The following SUPT3H variants were observed in gnomAD, a reference collection of about 807,000 sequenced individuals.
The protein encoded by SUPT3H is SPT3 homolog, SAGA and STAGA complex component, also known as transcription initiation protein SPT3 homolog.
In SUPT3H, 44 loss-of-function variants were observed where a neutral mutation model predicts 44.3. The observed-to-expected ratio is 0.99, with a 90% CI of 0.78 to 1.28. The LOEUF is 1.28. Ranked by LOEUF, SUPT3H falls within the 50% of genes most tolerant of loss-of-function variation. The pLI, the probability that SUPT3H is intolerant of heterozygous loss-of-function variation, is 0.00. For synonymous variants in SUPT3H, 124 were observed against 125.6 expected (o/e 0.99, Z 0.09); for missense variants, 380 against 387.1 (o/e 0.98, Z 0.15).
intron 10 of SUPT3H, among the ~76,000 whole-genome samples, chr6:44,864,463 G>T (rs1220494267): frequency 2.0e-5 from 3 of 152,166 alleles, no homozygotes; most frequent in Non-Finnish European, 2.9e-5. Context: ...CCTAGGAGAG[G>T]TTCTCCATGA....
At chr6:45,328,791 G>C (rs761430049) in intron 2 of SUPT3H, 1 of 1,611,710 alleles carries the variant, frequency 6.2e-7, no homozygotes, top group Admixed American at 1.7e-5. Flanking sequence ...TGGGGTAAGT[G>C]TTACCATTTT....
intron 2 of SUPT3H, among the ~76,000 whole-genome samples, chr6:45,283,714 C>A (rs1433232107): frequency 1.3e-5 from 2 of 151,870 alleles, no homozygotes; most frequent in Non-Finnish European, 2.9e-5. Flanking sequence ...AGGAATTGAA[C>A]TCAGCTTTTC....
intron 2 of SUPT3H, among the ~76,000 whole-genome samples, chr6:45,269,356 C>T (rs1209201336): frequency 1.3e-5 from 2 of 152,142 alleles, no homozygotes; most frequent in Non-Finnish European, 2.9e-5. Context: ...GAAGGAAAGC[C>T]TTATTTAGAA....
chr6:45,136,808 C>T (rs537967830), intron 2 of SUPT3H, among the ~76,000 whole-genome samples: 2 of 152,048 alleles, frequency 1.3e-5, no homozygotes, highest in East Asian at 1.9e-4. Flanking sequence ...GTTCTGGACA[C>T]ACAAGTGTAC....
chr6:45,061,813 G>C (rs1459386160), intron 3 of SUPT3H, among the ~76,000 whole-genome samples: 2 of 149,882 alleles, frequency 1.3e-5, no homozygotes, highest in Non-Finnish European at 3.0e-5. Flanking sequence ...CTTTGAAAAT[G>C]ATACCATTGT....
intron 10 of SUPT3H, among the ~76,000 whole-genome samples, chr6:44,909,601 G>C (rs534335282): frequency 1.3e-5 from 2 of 152,110 alleles, no homozygotes; most frequent in East Asian, 3.9e-4. Context: ...TCCTATGTAC[G>C]AAGACTGTTC....
intron 10 of SUPT3H, among the ~76,000 whole-genome samples, chr6:44,839,611 AATTAAAAATACTT>A (rs1171592402): frequency 6.6e-6 from 1 of 152,188 alleles, no homozygotes; most frequent in African/African-American, 2.4e-5. Flanking sequence ...AAGTTATTAT[AATTAAAAATACTT>A]ATTAAAAATA....
intron 2 of SUPT3H, among the ~76,000 whole-genome samples, chr6:45,297,630 G>C (rs1051830162): frequency 1.3e-5 from 2 of 152,200 alleles, no homozygotes; most frequent in Middle Eastern, 3.4e-3. Context: ...TAAATTGTTG[G>C]AGGCTTTTTA....
intron 2 of SUPT3H, among the ~76,000 whole-genome samples, chr6:45,287,676 G>A (rs1489318088): frequency 2.0e-5 from 3 of 152,244 alleles, no homozygotes; most frequent in East Asian, 3.9e-4. Context: ...AAAAAGTTCT[G>A]GAGATGAATA....
chr6:45,064,930 G>A (rs932005960), intron 3 of SUPT3H, among the ~76,000 whole-genome samples: 1 of 148,266 alleles, frequency 6.7e-6, no homozygotes, highest in Non-Finnish European at 1.5e-5. Context: ...GGATACCCAG[G>A]AATTGAACTC....
intron 6 of SUPT3H, among the ~76,000 whole-genome samples, chr6:44,970,548 T>C (rs1042023846): frequency 6.6e-6 from 1 of 152,136 alleles, no homozygotes; most frequent in Admixed American, 6.5e-5. Context: ...TGACTTTTTG[T>C]TTTCCTGATT....
chr6:44,830,952 T>A lies in SUPT3H; in HGVS notation c.913-1095A>T, dbSNP rs114662779. On this transcript the variant is annotated intron_variant, in intron 10 of 10. Coordinates refer to ENST00000371459, the MANE Select transcript of SUPT3H (RefSeq NM_003599.4). ...ATAATGCTATGGAGGCAGTGAAATC[T>A]TCATCTTAAAAAATAATTAAACCAC... is the stretch of plus-strand genomic sequence containing the variant. Among the ~76,000 whole-genome samples the A allele has an allele frequency of 8.8e-3, 1,331 of 151,816 alleles. 27 individuals carry two copies. The highest frequency in any genetic ancestry group is 0.028 in the African/African-American group (1,160 of 41,290).
At chr6:45,141,109 G>A (rs542898052) in intron 2 of SUPT3H, among the ~76,000 whole-genome samples, 1 of 152,050 alleles carries the variant, frequency 6.6e-6, no homozygotes, top group South Asian at 2.1e-4. Flanking sequence ...GGAGGCCAAG[G>A]CGGGTGGATC....
chr6:45,047,531 T>C (rs1170954202), intron 3 of SUPT3H, among the ~76,000 whole-genome samples: 1 of 152,142 alleles, frequency 6.6e-6, no homozygotes, highest in Non-Finnish European at 1.5e-5. Flanking sequence ...CAAACAACTA[T>C]TTTAAGGAAT....
chr6:44,948,780 T>G (rs1773773621), intron 9 of SUPT3H, among the ~76,000 whole-genome samples: 1 of 152,074 alleles, frequency 6.6e-6, no homozygotes, highest in South Asian at 2.1e-4. Flanking sequence ...GGAACACTTT[T>G]ACACTGCTGG....
chr6:45,184,070 A>G (rs1813749182), intron 2 of SUPT3H, among the ~76,000 whole-genome samples: 1 of 151,858 alleles, frequency 6.6e-6, no homozygotes, highest in African/African-American at 2.4e-5. Flanking sequence ...CAGTTTTAAC[A>G]AACACATCAC....
chr6:44,857,899 G>C (rs765277527), intron 10 of SUPT3H, among the ~76,000 whole-genome samples: 1 of 152,130 alleles, frequency 6.6e-6, no homozygotes, highest in Non-Finnish European at 1.5e-5. Flanking sequence ...GGGAAGTAAA[G>C]ACTTGTTCTC....
intron 3 of SUPT3H, among the ~76,000 whole-genome samples, chr6:45,081,604 A>G (rs573564412): frequency 2.0e-5 from 3 of 152,264 alleles, no homozygotes; most frequent in African/African-American, 7.2e-5. Flanking sequence ...GAGTGAATGA[A>G]TGATAGAGCT....
At chr6:44,974,728 A>G (rs2153485352) in intron 6 of SUPT3H, among the ~76,000 whole-genome samples, 1 of 152,332 alleles carries the variant, frequency 6.6e-6, no homozygotes, top group Non-Finnish European at 1.5e-5. Context: ...CTATCTATAA[A>G]GCACTTAGGA....
Sources: allele counts gnomAD v4.1 joint callset (sites outside exome capture counted in the v4.1 genomes callset), GRCh38; gene constraint gnomAD v4.1.1; transcripts MANE v1.5; gene names NCBI Gene and HGNC (gene_info 2026-07-23, HGNC 2026-07-21).